RBFOX1: variants seen among roughly 807,000 people sequenced by gnomAD.
The protein encoded by RBFOX1 is RNA binding protein fox-1 homolog 1.
In RBFOX1, 8 loss-of-function variants were observed where a neutral mutation model predicts 57.7. That is an observed-to-expected ratio of 0.14 (90% CI 0.08 to 0.25). The LOEUF is 0.25. RBFOX1 is among the 10% of genes least tolerant of loss of function. RBFOX1 has a pLI of 1.00. For synonymous variants in RBFOX1, 326 were observed against 222.4 expected, an observed-to-expected ratio of 1.47 and a Z score of -4.15; for missense variants, 611 against 548.5, an observed-to-expected ratio of 1.11 and a Z score of -1.14.
intron 4 of RBFOX1, among the ~76,000 whole-genome samples, chr16:7,447,565 A>G (rs1171903325): frequency 3.3e-5 from 5 of 152,088 alleles, no homozygotes; most frequent in African/African-American, 7.2e-5. Context: ...TCACCTTCTC[A>G]TTATCCATTT....
At chr16:7,502,423 C>G (rs1177871463) in intron 4 of RBFOX1, among the ~76,000 whole-genome samples, 5 of 152,122 alleles carry the variant, frequency 3.3e-5, no homozygotes, top group African/African-American at 1.2e-4. Flanking sequence ...TCTTTATAAA[C>G]AATGTAGGGG....
chr16:6,704,011 G>T (rs568715835), intron 3 of RBFOX1: 21 of 152,522 alleles, frequency 1.4e-4, no homozygotes, highest in Admixed American at 1.2e-3. Flanking sequence ...TCTCTCCTCT[G>T]ACTTCTACTT....
In RBFOX1 at chr16:7,709,088, A is replaced by G. The variant is rs1301738834; in HGVS notation, c.1028A>G (p.His343Arg). The change falls in exon 15 of 16, where the codon CAC (histidine) becomes CGC (arginine). Residue 343 changes from histidine (H) to arginine (R), a missense_variant. By Grantham distance (29) the His-to-Arg change is conservative. This residue lies in a region of RBFOX1 where 267 missense variants were observed against 229.1 expected (regional missense o/e 1.17). Transcript: ENST00000550418. ...CGAGTTTATGCTGCCGACCCCTACC[A>G]CCACGCACTTGCTCCAGCCCCCACC... ...YGRVYAADPY[H>R]HALAPAPTYG... is the part of the protein sequence containing the mutation. 1 of 1,613,660 alleles carries G rather than the reference A, an allele frequency of 6.2e-7. No individual in the cohort carries two copies. Among genetic ancestry groups the G allele is most frequent in the Admixed American group, 1.7e-5 (1 of 59,964 alleles).
chr16:5,809,601 A>T (rs1416036740), intron 3 of RBFOX1, among the ~76,000 whole-genome samples: 1 of 152,250 alleles, frequency 6.6e-6, no homozygotes, highest in African/African-American at 2.4e-5. Flanking sequence ...CCATCAGAGA[A>T]ATGCAAATCA....
intron 4 of RBFOX1, among the ~76,000 whole-genome samples, chr16:7,210,053 T>A (rs1359139221): frequency 6.6e-6 from 1 of 152,208 alleles, no homozygotes; most frequent in East Asian, 1.9e-4. Flanking sequence ...TCAGTGCAGA[T>A]TTCCCAAAGG....
chr16:6,793,351 G>T (rs998937615), intron 3 of RBFOX1, among the ~76,000 whole-genome samples: 1 of 152,006 alleles, frequency 6.6e-6, no homozygotes, highest in Admixed American at 6.6e-5. Flanking sequence ...TCCAAAATAT[G>T]ATTTTCTTCC....
chr16:5,714,297 C>G (rs1195273007), intron 3 of RBFOX1, among the ~76,000 whole-genome samples: 2 of 152,202 alleles, frequency 1.3e-5, no homozygotes, highest in Admixed American at 1.3e-4. Context: ...TGTTCTGATT[C>G]TGAGCTCAGA....
intron 3 of RBFOX1, among the ~76,000 whole-genome samples, chr16:6,847,366 A>G (rs369810163): frequency 1.3e-5 from 2 of 152,072 alleles, no homozygotes; most frequent in Admixed American, 1.3e-4. Flanking sequence ...GGGGTCTTCA[A>G]TCTGCCCTAT....
chr16:6,076,393 C>G (rs1174286497), intron 1 of RBFOX1, among the ~76,000 whole-genome samples: 1 of 151,864 alleles, frequency 6.6e-6, no homozygotes, highest in African/African-American at 2.4e-5. Flanking sequence ...TGCTTTTTAA[C>G]TGTTTGACCT....
intron 14 of RBFOX1, among the ~76,000 whole-genome samples, chr16:7,682,832 T>C (rs1190092990): frequency 6.9e-6 from 1 of 145,286 alleles, no homozygotes; most frequent in African/African-American, 2.5e-5. Context: ...AGATCCATTT[T>C]GTTGTTGTTG....
intron 2 of RBFOX1, among the ~76,000 whole-genome samples, chr16:6,453,064 C>T (rs1202787835): frequency 6.6e-6 from 1 of 152,078 alleles, no homozygotes; most frequent in East Asian, 1.9e-4. Flanking sequence ...ATGTATTGTA[C>T]AACTACTCTA....
intron 1 of RBFOX1, among the ~76,000 whole-genome samples, chr16:5,310,387 C>G (rs557395477): frequency 7.3e-5 from 11 of 151,350 alleles, no homozygotes; most frequent in Non-Finnish European, 1.3e-4. Context: ...GGTGACAGAG[C>G]CAGACTCTGT....
At chr16:6,754,287 C>T (rs529849227) in intron 3 of RBFOX1, among the ~76,000 whole-genome samples, 13 of 152,256 alleles carry the variant, frequency 8.5e-5, no homozygotes, top group African/African-American at 2.2e-4. Flanking sequence ...GCTGACTCTC[C>T]GCCAACTCAA....
intron 1 of RBFOX1, among the ~76,000 whole-genome samples, chr16:5,429,803 G>A (rs775572005): frequency 4.6e-5 from 7 of 152,144 alleles, no homozygotes; most frequent in Non-Finnish European, 8.8e-5. Context: ...TTTAGTAATC[G>A]TCTATTGGCC....
intron 1 of RBFOX1, among the ~76,000 whole-genome samples, chr16:5,339,434 T>C (rs1360091819): frequency 6.7e-6 from 1 of 149,080 alleles, no homozygotes; most frequent in African/African-American, 2.5e-5. Flanking sequence ...GTGAAGAATT[T>C]AGATTTTGCC....
At chr16:7,174,076 T>C (rs973958303) in intron 4 of RBFOX1, among the ~76,000 whole-genome samples, 2 of 152,204 alleles carry the variant, frequency 1.3e-5, no homozygotes, top group East Asian at 1.9e-4. Context: ...TGAATGGTGA[T>C]TTAAGCTCTA....
In RBFOX1 at chr16:5,857,206, C is replaced by T. The variant is rs761966859; in HGVS notation, c.319-10097C>T. On this transcript the variant is annotated intron_variant, in intron 3 of 19. Transcript: ENST00000641259. Reference sequence around the variant, plus strand: ...GGAAAGATGGGGAACAGCTGGTTTGCGAAATAGTCAGAACACACACTACAT... The same window carrying T: ...GGAAAGATGGGGAACAGCTGGTTTGTGAAATAGTCAGAACACACACTACAT... Among the ~76,000 whole-genome samples, 127 of 151,962 alleles carry T rather than the reference C, an allele frequency of 8.4e-4. 1 individual carries two copies. The highest frequency in any genetic ancestry group is 1.2e-3 in the Non-Finnish European group (81 of 67,996).
At chr16:5,536,383 C>A (rs147113806) in intron 2 of RBFOX1, among the ~76,000 whole-genome samples, 1 of 151,752 alleles carries the variant, frequency 6.6e-6, no homozygotes, top group African/African-American at 2.4e-5. Flanking sequence ...TACAGGTGCC[C>A]GCCACCATGC....
chr16:7,550,326 C>T (rs781367003), intron 5 of RBFOX1, among the ~76,000 whole-genome samples: 6 of 151,910 alleles, frequency 3.9e-5, no homozygotes, highest in Admixed American at 6.6e-5. Context: ...ATCCTCTGCC[C>T]GTGAAGGTTA....
Sources: allele counts gnomAD v4.1 joint callset (sites outside exome capture counted in the v4.1 genomes callset), GRCh38; gene constraint gnomAD v4.1.1; regional missense constraint gnomAD v4.1.1; transcripts MANE v1.5; gene names NCBI Gene and HGNC (gene_info 2026-07-23, HGNC 2026-07-21).